The following SLCO1B3 variants were observed in gnomAD, a reference collection of about 807,000 sequenced individuals.
SLCO1B3 encodes the protein solute carrier organic anion transporter family member 1B3, also known as liver-specific organic anion transporter 2.
Under a neutral mutation model 71.8 loss-of-function variants are expected in SLCO1B3, and 72 were observed. That is an observed-to-expected ratio of 1.00 (90% confidence interval 0.83 to 1.22). The LOEUF is 1.22. SLCO1B3 is among the 50% of genes most tolerant of loss of function. The pLI is 0.00. For synonymous variants in SLCO1B3, 298 were observed against 278.4 expected (o/e 1.07, Z -0.70); for missense variants, 911 against 819.7 (o/e 1.11, Z -1.36).
intron 3 of SLCO1B3, among the ~76,000 whole-genome samples, chr12:20,833,584 A>C (rs1254946770): frequency 4.0e-5 from 6 of 148,522 alleles, no homozygotes; most frequent in African/African-American, 1.5e-4. Context: ...GAATATATAC[A>C]TATATTGCAT....
intron 3 of SLCO1B3, among the ~76,000 whole-genome samples, chr12:20,824,347 A>C (rs1279484022): frequency 2.6e-5 from 4 of 152,216 alleles, no homozygotes; most frequent in African/African-American, 9.6e-5. Flanking sequence ...TTAATACATG[A>C]GCTCTCCATG....
At chr12:20,860,029 C>T (rs1449225778) in intron 5 of SLCO1B3, among the ~76,000 whole-genome samples, 1 of 148,752 alleles carries the variant, frequency 6.7e-6, no homozygotes, top group African/African-American at 2.5e-5. Context: ...GATCTCGGCT[C>T]ACTGCAAGCC....
intron 15 of SLCO1B3, among the ~76,000 whole-genome samples, chr12:20,909,486 T>G (rs1866329706): frequency 6.6e-6 from 1 of 152,028 alleles, no homozygotes; most frequent in Non-Finnish European, 1.5e-5. Context: ...AAGCATCTTC[T>G]TATATGTTTA....
At chr12:20,901,665 C>T (rs1051742365) in intron 15 of SLCO1B3, among the ~76,000 whole-genome samples, 198 bp downstream of exon 15, 1 of 152,004 alleles carries the variant, frequency 6.6e-6, no homozygotes, top group Admixed American at 6.6e-5. Flanking sequence ...TGTATATATT[C>T]CTCCTTTTTC....
chr12:20,888,406 C>G (rs1034572106), intron 13 of SLCO1B3, among the ~76,000 whole-genome samples: 9 of 151,634 alleles, frequency 5.9e-5, no homozygotes, highest in Admixed American at 5.3e-4. Context: ...CTCGTAGAGA[C>G]TTTTTTACCT....
intron 3 of SLCO1B3, among the ~76,000 whole-genome samples, chr12:20,820,549 G>A (rs1369924980): frequency 6.6e-6 from 1 of 152,150 alleles, no homozygotes; most frequent in Non-Finnish European, 1.5e-5. Context: ...CTGGAGATGT[G>A]GCTGGGGTTT....
intron 11 of SLCO1B3, among the ~76,000 whole-genome samples, chr12:20,880,379 T>G (rs1865665306): frequency 6.6e-6 from 1 of 151,910 alleles, no homozygotes; most frequent in South Asian, 2.1e-4. Context: ...AAATATAGAT[T>G]GTAAAATTCA....
intron 13 of SLCO1B3, among the ~76,000 whole-genome samples, chr12:20,896,510 G>T (rs1038618255): frequency 1.3e-5 from 2 of 152,118 alleles, no homozygotes; most frequent in East Asian, 3.9e-4. Flanking sequence ...CATCATCTTT[G>T]CTCCAGTTTC....
intron 15 of SLCO1B3, among the ~76,000 whole-genome samples, chr12:20,906,695 G>T (rs1866253240): frequency 6.6e-6 from 1 of 152,110 alleles, no homozygotes; most frequent in African/African-American, 2.4e-5. Flanking sequence ...TAATGGTTAT[G>T]AAACATATAA....
chr12:20,865,346 T>C (rs187818501), intron 8 of SLCO1B3, among the ~76,000 whole-genome samples: 1 of 152,298 alleles, frequency 6.6e-6, no homozygotes, highest in East Asian at 1.9e-4. Flanking sequence ...ATAATATATT[T>C]CTAAATAGTT....
In SLCO1B3 at chr12:20,832,522, A is replaced by G. The variant is rs576296794; in HGVS notation, c.84+16700A>G. Among the ~76,000 whole-genome samples, 4 of 152,246 alleles carry G rather than the reference A, an allele frequency of 2.6e-5. No homozygotes were observed. In the South Asian group the frequency reaches 6.2e-4, roughly 24 times the overall value. ...TTAAAAAAAAAATAGAGCAAAAGAAAAAGTCTCCCCTTTCTGCCTTCATTG... is the reference window on the plus strand; with the variant it reads ...TTAAAAAAAAAATAGAGCAAAAGAAGAAGTCTCCCCTTTCTGCCTTCATTG... On this transcript the variant is annotated intron_variant, in intron 3 of 15. Coordinates refer to ENST00000381545, the MANE Select transcript of SLCO1B3 (RefSeq NM_019844.4).
intron 3 of SLCO1B3, among the ~76,000 whole-genome samples, chr12:20,833,479 C>T (rs1864588230): frequency 6.7e-6 from 1 of 148,688 alleles, no homozygotes; most frequent in Non-Finnish European, 1.5e-5. Context: ...TATATACACA[C>T]ATATACACAG....
At chr12:20,843,214 A>G (rs1565585691) in intron 3 of SLCO1B3, among the ~76,000 whole-genome samples, 1 of 152,024 alleles carries the variant, frequency 6.6e-6, no homozygotes, top group Admixed American at 6.6e-5. Context: ...TATTATATCT[A>G]TTTTCTTTCC....
intron 11 of SLCO1B3, among the ~76,000 whole-genome samples, chr12:20,880,035 T>G (rs139288528): frequency 0.023 from 3,436 of 152,038 alleles, 78 homozygotes; most frequent in South Asian, 0.035. Flanking sequence ...TTTTCTAAAT[T>G]ATCAATCTCC....
intron 12 of SLCO1B3, among the ~76,000 whole-genome samples, chr12:20,882,638 T>A (rs1380427051): frequency 6.6e-6 from 1 of 152,130 alleles, no homozygotes; most frequent in Non-Finnish European, 1.5e-5. Flanking sequence ...ACTCGTGACC[T>A]CATGATACGC....
At chr12:20,850,222 A>G (rs1002364191) in intron 3 of SLCO1B3, among the ~76,000 whole-genome samples, 1 of 150,406 alleles carries the variant, frequency 6.6e-6, no homozygotes, top group Admixed American at 6.6e-5. Flanking sequence ...TGTGTTGCAG[A>G]TGTTTGATGT....
chr12:20,894,304 C>T (rs967277186), intron 13 of SLCO1B3, among the ~76,000 whole-genome samples: 3 of 152,154 alleles, frequency 2.0e-5, no homozygotes, highest in Non-Finnish European at 2.9e-5. Flanking sequence ...CATGCACGAG[C>T]GTGTGCACAT....
At chr12:20,819,794 G>A (rs1185269433) in intron 3 of SLCO1B3, among the ~76,000 whole-genome samples, 3 of 152,238 alleles carry the variant, frequency 2.0e-5, no homozygotes, top group Admixed American at 6.5e-5. Flanking sequence ...GTTTTAATGA[G>A]ATGATAAGGG....
chr12:20,856,647 C>A (rs1273621475), intron 4 of SLCO1B3, among the ~76,000 whole-genome samples: 1 of 152,184 alleles, frequency 6.6e-6, no homozygotes, highest in African/African-American at 2.4e-5. Flanking sequence ...GCAACCTCCA[C>A]CTCCTGGGTT....
Sources: allele counts gnomAD v4.1 joint callset (sites outside exome capture counted in the v4.1 genomes callset), GRCh38; gene constraint gnomAD v4.1.1; transcripts MANE v1.5; gene names NCBI Gene and HGNC (gene_info 2026-07-23, HGNC 2026-07-21).